The following COG5 variants were observed in gnomAD, a reference collection of about 807,000 sequenced individuals.
COG5 encodes conserved oligomeric Golgi complex subunit 5.
COG5 carries 86 observed loss-of-function variants against 110.4 expected under a neutral mutation model. The observed-to-expected ratio is 0.78, with a 90% confidence interval of 0.65 to 0.93. The LOEUF (loss-of-function observed/expected upper bound fraction) is 0.93. Among genes scored for constraint, COG5 ranks in the 40% least tolerant of loss-of-function variants. The probability of loss-of-function intolerance (pLI) is 0.00; values close to 1 mark genes in which losing one functional copy is unlikely to be tolerated. For synonymous variants in COG5, 360 were observed against 334.6 expected, an observed-to-expected ratio of 1.08 and a Z score of -0.83; for missense variants, 1,077 against 987.0, an observed-to-expected ratio of 1.09 and a Z score of -1.22.
At chr7:107,547,484 C>T (rs1404282187) in intron 5 of COG5, among the ~76,000 whole-genome samples, 6 of 152,116 alleles carry the variant, frequency 3.9e-5, no homozygotes, top group Non-Finnish European at 8.8e-5. Context: ...ACACTCTCAC[C>T]ACTACTATTC....
chr7:107,203,305 T>C lies in COG5; in HGVS notation c.*211A>G. The stretch of plus-strand genomic sequence containing the variant: ...AGAGGAAAACATCTTTCTGGAAAAA[T>C]CAGGTCCATGGAATTGAAAGGTGGT... On this transcript the variant is annotated 3_prime_UTR_variant, in exon 22 of 22. Coordinates refer to ENST00000297135, the MANE Select transcript of COG5 (RefSeq NM_006348.5). 1 of 577,186 alleles carries C rather than the reference T, an allele frequency of 1.7e-6. No homozygotes were observed. Among genetic ancestry groups the C allele is most frequent in the Non-Finnish European group, 3.1e-6 (1 of 324,416 alleles). The allele number at this position is 577,186 out of a possible 1,614,324, so 35.8% of individuals were successfully genotyped here.
chr7:107,276,467 C>T (rs909557012), intron 14 of COG5, among the ~76,000 whole-genome samples: 8 of 152,086 alleles, frequency 5.3e-5, no homozygotes, highest in Non-Finnish European at 1.0e-4. Context: ...CCCAGGAGTT[C>T]GAGACCAGCC....
chr7:107,403,896 A>C (rs1584779028), intron 7 of COG5, among the ~76,000 whole-genome samples: 1 of 147,264 alleles, frequency 6.8e-6, no homozygotes, highest in Non-Finnish European at 1.5e-5. Flanking sequence ...CAGTTAGGTG[A>C]CTCTATTATT....
At chr7:107,346,488 T>G (rs1675210222) in intron 10 of COG5, among the ~76,000 whole-genome samples, 1 of 152,196 alleles carries the variant, frequency 6.6e-6, no homozygotes, top group African/African-American at 2.4e-5. Context: ...AACATTCACT[T>G]CATTATTAGA....
chr7:107,255,131 T>C (rs1338980068), intron 16 of COG5, among the ~76,000 whole-genome samples: 1 of 152,162 alleles, frequency 6.6e-6, no homozygotes, highest in African/African-American at 2.4e-5. Flanking sequence ...GTTTGATAGT[T>C]ACTGCTAGAA....
chr7:107,414,702 C>CTTTTTTTT (rs1563019968), intron 6 of COG5, among the ~76,000 whole-genome samples: 1 of 100,722 alleles, frequency 9.9e-6, no homozygotes, highest in East Asian at 3.0e-4. Context: ...CCTCACTGTC[C>CTTTTTTTT]CTTTTTTTTT....
chr7:107,443,864 T>C (rs939772078), intron 6 of COG5, among the ~76,000 whole-genome samples: 2 of 152,166 alleles, frequency 1.3e-5, no homozygotes, highest in Non-Finnish European at 1.5e-5. Context: ...TTCTCTACCG[T>C]CTTCTAGGTG....
rs533345537 is a variant in COG5 at position 107,360,849 on chromosome 7, G to A, written c.1026+1184C>T. Among the ~76,000 whole-genome samples the A allele has an allele frequency of 2.0e-5, 3 of 152,338 alleles. No individual in the cohort carries two copies. In the South Asian group the frequency reaches 6.2e-4, roughly 32 times the overall value. On this transcript the variant is annotated intron_variant, in intron 10 of 21. Coordinates refer to ENST00000297135, the MANE Select transcript of COG5 (RefSeq NM_006348.5). The stretch of plus-strand genomic sequence containing the variant: ...CAGTTGTGGGGTCTGGGCTGGTAGT[G>A]TGAGCCAAGTGCAACCTGCTAGGCC...
chr7:107,496,145 C>A (rs188845876), intron 6 of COG5, among the ~76,000 whole-genome samples: 2 of 151,848 alleles, frequency 1.3e-5, no homozygotes, highest in Admixed American at 1.3e-4. Flanking sequence ...TTAAAGAGAA[C>A]GGAATGCTTC....
intron 7 of COG5, among the ~76,000 whole-genome samples, chr7:107,404,658 G>A (rs1474291079): frequency 2.0e-5 from 3 of 151,968 alleles, no homozygotes; most frequent in African/African-American, 7.2e-5. Flanking sequence ...AAATGTGCAC[G>A]TTTAAATGTT....
intron 10 of COG5, among the ~76,000 whole-genome samples, chr7:107,331,629 A>G (rs1810257169): frequency 6.6e-6 from 1 of 152,190 alleles, no homozygotes; most frequent in Non-Finnish European, 1.5e-5. Context: ...AAGAGTGGGC[A>G]GCAGGAAAAC....
intron 6 of COG5, 78 bp from the exon 7 acceptor site, chr7:107,412,710 C>T: frequency 1.3e-6 from 1 of 785,550 alleles, no homozygotes; most frequent in East Asian, 3.0e-5. Context: ...TGTATAACTT[C>T]TCAAAAAAAA....
chr7:107,421,765 CAAA>C (rs202025992), intron 6 of COG5, among the ~76,000 whole-genome samples: 1 of 120,274 alleles, frequency 8.3e-6, no homozygotes, highest in Non-Finnish European at 1.8e-5. Context: ...GACTCCGTCT[CAAA>C]AAAAAAAAAA....
intron 10 of COG5, among the ~76,000 whole-genome samples, chr7:107,334,099 A>G (rs928188328): frequency 2.0e-5 from 3 of 152,168 alleles, no homozygotes; most frequent in Admixed American, 6.5e-5. Flanking sequence ...TATGTCAAAG[A>G]GGTATCTTCA....
At chr7:107,417,915 C>T (rs1302586059) in intron 6 of COG5, among the ~76,000 whole-genome samples, 2 of 151,712 alleles carry the variant, frequency 1.3e-5, no homozygotes, top group African/African-American at 4.8e-5. Context: ...TGCTATTTTC[C>T]TATTATTTTG....
intron 11 of COG5, among the ~76,000 whole-genome samples, chr7:107,305,688 T>C (rs1252485985): frequency 1.3e-5 from 2 of 151,940 alleles, no homozygotes; most frequent in East Asian, 1.9e-4. Context: ...CAAGCTCTTG[T>C]GGTTGTTAGC....
chr7:107,521,477 A>C, intron 6 of COG5, among the ~76,000 whole-genome samples: 1 of 152,214 alleles, frequency 6.6e-6, no homozygotes, highest in Admixed American at 6.5e-5. Context: ...CAAAGTGGGC[A>C]AAGGTTATGA....
chr7:107,304,764 C>T (rs1468272793), intron 11 of COG5, among the ~76,000 whole-genome samples: 1 of 152,144 alleles, frequency 6.6e-6, no homozygotes, highest in Non-Finnish European at 1.5e-5. Flanking sequence ...GCGGTCTGGC[C>T]AAGAAAAGGC....
At chr7:107,526,404 T>C (rs1800748638) in intron 6 of COG5, among the ~76,000 whole-genome samples, 1 of 152,364 alleles carries the variant, frequency 6.6e-6, no homozygotes, top group African/African-American at 2.4e-5. Flanking sequence ...ACTTTGCAGC[T>C]GGTTAATAGT....
Sources: allele counts gnomAD v4.1 joint callset (sites outside exome capture counted in the v4.1 genomes callset), GRCh38; gene constraint gnomAD v4.1.1; transcripts MANE v1.5; gene names NCBI Gene and HGNC (gene_info 2026-07-23, HGNC 2026-07-21).